SPIRE1: variants seen among roughly 807,000 people sequenced by gnomAD.
SPIRE1 encodes spire type actin nucleation factor 1, also known as protein spire homolog 1.
Under a neutral mutation model 94.1 loss-of-function variants are expected in SPIRE1, and 40 were observed. That is an observed-to-expected ratio of 0.43 (90% CI 0.33 to 0.55). The LOEUF is 0.55. Ranked by LOEUF, SPIRE1 falls within the 20% of genes least tolerant of loss-of-function variation. The pLI, the probability that SPIRE1 is intolerant of heterozygous loss-of-function variation, is 0.06. For missense variants in SPIRE1, 838 were observed against 975.2 expected, an observed-to-expected ratio of 0.86 and a Z score of 1.87; for synonymous variants, 376 against 371.7, an observed-to-expected ratio of 1.01 and a Z score of -0.13.
rs542554770 is a variant in SPIRE1 at position 12,504,194 on chromosome 18, T to G, written c.972+2283A>C. 2.2e-4 allele frequency among the ~76,000 whole-genome samples: 33 copies of G among 147,796 alleles called. 4 individuals are homozygous for G. The highest frequency in any genetic ancestry group is 7.8e-4 in the African/African-American group (31 of 39,512). ...TTAACAAGCAGCTCAAATAGCCACT[T>G]AAACCAATTTACTATAAAACCAAGT... On this transcript the variant is annotated intron_variant, in intron 6 of 16. Transcript: ENST00000409402.
intron 2 of SPIRE1, among the ~76,000 whole-genome samples, chr18:12,611,303 G>A (rs1188919727): frequency 6.6e-6 from 1 of 152,168 alleles, no homozygotes; most frequent in Admixed American, 6.5e-5. Flanking sequence ...ACAGAATACA[G>A]CAGAATAACG....
chr18:12,605,700 T>C (rs2036956172), intron 2 of SPIRE1, among the ~76,000 whole-genome samples: 1 of 152,204 alleles, frequency 6.6e-6, no homozygotes, highest in South Asian at 2.1e-4. Context: ...CACAGTCATA[T>C]TATCTGCTAC....
intron 2 of SPIRE1, among the ~76,000 whole-genome samples, chr18:12,588,889 C>T (rs2036456974): frequency 2.6e-5 from 4 of 152,126 alleles, no homozygotes; most frequent in Admixed American, 2.6e-4. Context: ...CTTCCAATAA[C>T]TGACAACTCT....
intron 8 of SPIRE1, among the ~76,000 whole-genome samples, chr18:12,490,063 T>A (rs2033179012): frequency 1.3e-5 from 2 of 152,130 alleles, no homozygotes; most frequent in Non-Finnish European, 2.9e-5. Flanking sequence ...GTAGAAAAAA[T>A]GACCAAAATC....
intron 13 of SPIRE1, among the ~76,000 whole-genome samples, chr18:12,453,610 A>G (rs933098577): frequency 1.0e-4 from 15 of 150,706 alleles, no homozygotes; most frequent in African/African-American, 3.4e-4. Flanking sequence ...ATTTTTTGGT[A>G]TCTTTAGTAG....
intron 2 of SPIRE1, among the ~76,000 whole-genome samples, chr18:12,577,355 G>A (rs12963179): frequency 0.48 from 72,462 of 151,712 alleles, 18,038 homozygotes; most frequent in East Asian, 0.6. Flanking sequence ...CACCATGTTA[G>A]CCAGAATGGT....
intron 6 of SPIRE1, among the ~76,000 whole-genome samples, chr18:12,504,005 G>A (rs1240148246): frequency 6.8e-6 from 1 of 147,404 alleles, no homozygotes; most frequent in Non-Finnish European, 1.5e-5. Context: ...TGGGGTCAGA[G>A]AGAATGAGGC....
chr18:12,646,153 C>T (rs2038219216), intron 1 of SPIRE1, among the ~76,000 whole-genome samples: 1 of 152,102 alleles, frequency 6.6e-6, no homozygotes, highest in Non-Finnish European at 1.5e-5. Context: ...CATATAACGT[C>T]CTCCACATCT....
chr18:12,550,844 C>T (rs544172958), intron 2 of SPIRE1, among the ~76,000 whole-genome samples: 161 of 152,284 alleles, frequency 1.1e-3, no homozygotes, highest in African/African-American at 3.5e-3. Flanking sequence ...TCACTTCTTC[C>T]GTTCTAAACA....
Position 12,453,131 on chromosome 18 carries a change from A to G in SPIRE1, c.1784T>C (p.Phe595Ser). Residue 595 changes from phenylalanine to serine, a missense_variant, in exon 14 of 17, where the codon TTT becomes TCT. By Grantham distance (155) the Phe-to-Ser change is radical. This residue lies in a region of SPIRE1 where 645 missense variants were observed against 804.7 expected (regional missense o/e 0.80). Transcript: ENST00000409402. ...YTALKKGKLC[F>S]CCRTRRFSFF... ...GGAAAACCTCCTGGTTCGGCAACAA[A>G]AGCAGAGCTAAAAAATACAAATTTA... 1.2e-6 allele frequency: 2 copies of G among 1,606,896 alleles called. No homozygotes were observed. The highest frequency in any genetic ancestry group is 1.7e-6 in the Non-Finnish European group (2 of 1,178,148).
At chr18:12,566,063 T>C (rs938738208) in intron 2 of SPIRE1, among the ~76,000 whole-genome samples, 4 of 147,858 alleles carry the variant, frequency 2.7e-5, no homozygotes, top group Non-Finnish European at 6.0e-5. Flanking sequence ...AGGCTGGGTG[T>C]GGTAGCTCCC....
chr18:12,469,740 TATATA>T (rs575296934), intron 10 of SPIRE1, among the ~76,000 whole-genome samples: 231 of 144,258 alleles, frequency 1.6e-3, no homozygotes, highest in African/African-American at 3.8e-3. Flanking sequence ...TTATATATTA[TATATA>T]ATATAATTAT....
intron 3 of SPIRE1, among the ~76,000 whole-genome samples, chr18:12,544,312 G>GCCTCA (rs2035093834): frequency 6.6e-6 from 1 of 151,054 alleles, no homozygotes; most frequent in South Asian, 2.1e-4. Flanking sequence ...AGATTCTCAT[G>GCCTCA]CCTCAGCCTC....
chr18:12,630,393 C>T (rs1408041052), intron 2 of SPIRE1, among the ~76,000 whole-genome samples: 1 of 152,172 alleles, frequency 6.6e-6, no homozygotes, highest in Non-Finnish European at 1.5e-5. Flanking sequence ...GGCACAGTGG[C>T]TCGTGCCTGT....
chr18:12,559,668 A>G lies in SPIRE1; in HGVS notation c.373-12764T>C, dbSNP rs1388476291. Among the ~76,000 whole-genome samples, 2 of 152,042 alleles carry G rather than the reference A, an allele frequency of 1.3e-5. No individual in the cohort carries two copies. Among genetic ancestry groups the G allele is most frequent in the African/African-American group, 4.8e-5 (2 of 41,402 alleles). ...ACTACTACAAGAAAACATTGGGGAA[A>G]CTCTCCAGGATGTTAGACTGGGCAA... On this transcript the variant is annotated intron_variant, in intron 2 of 16. Coordinates refer to ENST00000409402, the MANE Select transcript of SPIRE1 (RefSeq NM_001128626.2). The surrounding 1 kb of genome is among the most constrained non-coding windows in gnomAD (Gnocchi z 4.7).
intron 2 of SPIRE1, among the ~76,000 whole-genome samples, chr18:12,618,639 A>C (rs2037377910): frequency 6.6e-6 from 1 of 152,000 alleles, no homozygotes; most frequent in Admixed American, 6.6e-5. Flanking sequence ...GGGAAACAAA[A>C]ACCGCTCCAA....
At chr18:12,580,249 A>G (rs979266590) in intron 2 of SPIRE1, among the ~76,000 whole-genome samples, 1 of 152,114 alleles carries the variant, frequency 6.6e-6, no homozygotes, top group African/African-American at 2.4e-5. Flanking sequence ...TTGAGAAAGG[A>G]GAAGAGGGTG....
At chr18:12,607,227 T>A (rs2037003877) in intron 2 of SPIRE1, among the ~76,000 whole-genome samples, 1 of 152,234 alleles carries the variant, frequency 6.6e-6, no homozygotes, top group African/African-American at 2.4e-5. Context: ...GCAGTTCGTT[T>A]TTTTAGAAAG....
intron 8 of SPIRE1, among the ~76,000 whole-genome samples, chr18:12,486,593 TG>T (rs1275707042): frequency 6.6e-6 from 1 of 152,228 alleles, no homozygotes; most frequent in East Asian, 1.9e-4. Flanking sequence ...TGCCACTAAC[TG>T]GGAGTGTGAC....
Sources: gnomAD v4.1 joint callset for allele counts (sites outside exome capture counted in the v4.1 genomes callset) on GRCh38, gnomAD v4.1.1 for gene constraint, gnomAD v4.1.1 regional missense constraint, Gnocchi (gnomAD v3.1) non-coding constraint, MANE v1.5 for transcripts, NCBI Gene and HGNC (gene_info 2026-07-23, HGNC 2026-07-21) for gene names.